The following NRDE2 variants were observed in gnomAD, a reference collection of about 807,000 sequenced individuals.
The protein encoded by NRDE2 is NRDE-2, necessary for RNA interference, domain containing.
NRDE2 carries 76 observed loss-of-function variants against 124.2 expected under a neutral mutation model. The ratio of observed to expected loss-of-function variants is 0.61; its 90% CI spans 0.51 to 0.74. NRDE2 has a LOEUF of 0.74. NRDE2 is among the 30% of genes least tolerant of loss of function. The pLI, the probability that NRDE2 is intolerant of heterozygous loss-of-function variation, is 0.00. For missense variants in NRDE2, 1,314 were observed against 1,417.3 expected (o/e 0.93, Z 1.17); for synonymous variants, 489 against 528.1 (o/e 0.93, Z 1.01).
chr14:90,295,067 A>C (rs1430515373), intron 8 of NRDE2, among the ~76,000 whole-genome samples: 1 of 152,172 alleles, frequency 6.6e-6, no homozygotes, highest in African/African-American at 2.4e-5. Flanking sequence ...GAAACTGCCT[A>C]GTACCATAGA....
intron 8 of NRDE2, 112 bp from the exon 9 acceptor site, chr14:90,292,984 G>A: frequency 2.2e-6 from 2 of 917,408 alleles, no homozygotes; most frequent in South Asian, 3.2e-5. Context: ...AGATGTGTAA[G>A]AGCCATGCCA....
intron 4 of NRDE2, among the ~76,000 whole-genome samples, chr14:90,307,765 G>C (rs1434768967): frequency 6.6e-6 from 1 of 152,204 alleles, no homozygotes; most frequent in Non-Finnish European, 1.5e-5. Context: ...AGAAAAATTT[G>C]TAGGGTTTCC....
intron 1 of NRDE2, among the ~76,000 whole-genome samples, chr14:90,321,255 T>C (rs1476166531): frequency 6.6e-6 from 1 of 151,986 alleles, no homozygotes; most frequent in Non-Finnish European, 1.5e-5. Flanking sequence ...ATTTGAGAGA[T>C]GGGGTCTTGC....
intron 1 of NRDE2, among the ~76,000 whole-genome samples, chr14:90,323,359 T>G (rs1023347849): frequency 2.0e-5 from 3 of 152,240 alleles, no homozygotes; most frequent in Non-Finnish European, 4.4e-5. Context: ...AGATTTGAAC[T>G]TTAAAATATA....
intron 1 of NRDE2, among the ~76,000 whole-genome samples, chr14:90,322,884 T>C (rs1004736708): frequency 1.3e-5 from 2 of 152,238 alleles, no homozygotes; most frequent in African/African-American, 2.4e-5. Flanking sequence ...TTGATAGATA[T>C]AAAATGTGTA....
In NRDE2 at chr14:90,278,438, C is replaced by T. The variant is rs753403812; in HGVS notation, c.3393G>A (p.Glu1131=). The T allele has an allele frequency of 2.5e-6, 4 of 1,614,122 alleles. No homozygotes were observed. Among genetic ancestry groups the T allele is most frequent in the Middle Eastern group, 1.7e-4 (1 of 6,060 alleles). The change falls in exon 14 of 14, where the codon GAG becomes GAA. Residue 1131 remains glutamate, a synonymous_variant. Coordinates refer to ENST00000354366, the MANE Select transcript of NRDE2 (RefSeq NM_017970.4). The stretch of plus-strand genomic sequence containing the variant: ...TCTCCTGCATCTCATCGGGGAAATA[C>T]TCCACGGCGTCCAGGTACAACACCT... ...WAKVLYLDAV[E]YFPDEMQEIL... is the part of the protein sequence containing the mutation.
intron 5 of NRDE2, 130 bp downstream of exon 5, chr14:90,303,805 T>C: frequency 1.2e-6 from 1 of 817,750 alleles, no homozygotes; most frequent in South Asian, 1.8e-5. Context: ...GCAAAGGCTC[T>C]ATTCTAATAA....
intron 13 of NRDE2, 169 bp downstream of exon 13, chr14:90,278,893 G>A (rs1480290975): frequency 7.5e-6 from 5 of 669,666 alleles, no homozygotes; most frequent in East Asian, 2.5e-5. Flanking sequence ...TGACTCCACA[G>A]GGGACAGTTT....
Position 90,288,418 on chromosome 14 carries a change from G to C in NRDE2, c.2957C>G (p.Ala986Gly), listed in dbSNP as rs1595058191. The change falls in exon 11 of 14, where the codon GCA becomes GGA. Residue 986 changes from alanine (A) to glycine (G), a missense_variant. Physicochemically the swap from Ala to Gly is moderately conservative, Grantham distance 60. Transcript: ENST00000354366. ...ATACAACTTTAAAGCCTGTGAGAGTGCCTCTCGCAGAGGGGCCAGCGGGTA... is the reference window on the plus strand; with the variant it reads ...ATACAACTTTAAAGCCTGTGAGAGTCCCTCTCGCAGAGGGGCCAGCGGGTA... Reference protein sequence around the residue: ...SVYPLAPLREALSQALKLYPG... With the variant: ...SVYPLAPLREGLSQALKLYPG... 1 of 1,614,158 alleles carries C rather than the reference G, an allele frequency of 6.2e-7. No homozygotes were observed. Among genetic ancestry groups the C allele is most frequent in the East Asian group, 2.2e-5 (1 of 44,874 alleles).
At chr14:90,314,574 G>C (rs1884971593) in intron 3 of NRDE2, among the ~76,000 whole-genome samples, 1 of 152,064 alleles carries the variant, frequency 6.6e-6, no homozygotes, top group Non-Finnish European at 1.5e-5. Flanking sequence ...GTGGTTTCAG[G>C]AAATCCTTTA....
Position 90,288,709 on chromosome 14 carries a change from C to T in NRDE2, c.2666G>A (p.Ser889Asn). The T allele has an allele frequency of 1.2e-6, 2 of 1,614,214 alleles. No individual in the cohort carries two copies. The highest frequency in any genetic ancestry group is 2.2e-5 in the East Asian group (1 of 44,888). ...GGTGGGAGCTGGATTGGAGACACAG[C>T]TGTCACCCAAACAGTCCTGCAGTGC... ...EHALQDCLGD[S>N]CVSNPAPTDS... The change falls in exon 11 of 14, where the codon AGC becomes AAC. Residue 889 changes from serine (S) to asparagine (N), a missense_variant. By Grantham distance (46) the Ser-to-Asn change is conservative. Coordinates refer to ENST00000354366, the MANE Select transcript of NRDE2 (RefSeq NM_017970.4).
chr14:90,283,089 G>C (rs1892000713), intron 12 of NRDE2, among the ~76,000 whole-genome samples: 1 of 152,144 alleles, frequency 6.6e-6, no homozygotes, highest in Admixed American at 6.5e-5. Flanking sequence ...GGCCTGCGAG[G>C]CTCCCTTCTC....
Position 90,276,240 on chromosome 14 carries a change from A to T in NRDE2, c.*2096T>A, listed in dbSNP as rs1595050149. On this transcript the variant is annotated 3_prime_UTR_variant, in exon 14 of 14. Coordinates refer to ENST00000354366, the MANE Select transcript of NRDE2 (RefSeq NM_017970.4). ...CTGTTTTTTTTTTTTTTTTTTCGAG[A>T]CGGAGTCTTGCTGTGTCGCCCAGGC... 2.4e-5 allele frequency: 3 copies of T among 123,936 alleles called. No individual in the cohort carries two copies. In the Admixed American group the frequency reaches 2.7e-4, roughly 11 times the overall value. The allele number at this position is 123,936 out of a possible 1,614,324, so 7.7% of individuals were successfully genotyped here.
At chr14:90,319,472 C>T (rs768524688) in intron 1 of NRDE2, among the ~76,000 whole-genome samples, 3 of 152,068 alleles carry the variant, frequency 2.0e-5, no homozygotes, top group Non-Finnish European at 4.4e-5. Flanking sequence ...ATTAGCAGTC[C>T]ACTCCTATCA....
chr14:90,329,725 C>A (rs1327363786), intron 1 of NRDE2, among the ~76,000 whole-genome samples: 1 of 150,548 alleles, frequency 6.6e-6, no homozygotes, highest in Non-Finnish European at 1.5e-5. Flanking sequence ...GTAATCCAAG[C>A]TACTCGGGAG....
At chr14:90,331,643 C>G (rs985684431) in intron 1 of NRDE2, among the ~76,000 whole-genome samples, 198 bp downstream of exon 1, 2 of 152,226 alleles carry the variant, frequency 1.3e-5, no homozygotes, top group Admixed American at 1.3e-4. Flanking sequence ...CTCCATAACT[C>G]TACAACCTTG....
At chr14:90,283,523 TGATGACAG>T (rs1892011756) in intron 12 of NRDE2, among the ~76,000 whole-genome samples, 1 of 152,114 alleles carries the variant, frequency 6.6e-6, no homozygotes, top group African/African-American at 2.4e-5. Context: ...CTGAGCAGCC[TGATGACAG>T]GAGTGGAGGT....
intron 13 of NRDE2, 194 bp downstream of exon 13, chr14:90,278,868 G>C: frequency 3.1e-6 from 2 of 645,216 alleles, no homozygotes; most frequent in East Asian, 2.6e-5. Flanking sequence ...ACCAGCCCCA[G>C]GTAGGGCCAG....
chr14:90,313,267 C>T (rs1460506382), intron 3 of NRDE2, among the ~76,000 whole-genome samples: 1 of 152,040 alleles, frequency 6.6e-6, no homozygotes, highest in Non-Finnish European at 1.5e-5. Flanking sequence ...GCTGGGACTA[C>T]AGGTGCCCAC....
Sources: gnomAD v4.1 joint callset for allele counts (sites outside exome capture counted in the v4.1 genomes callset) on GRCh38, gnomAD v4.1.1 for gene constraint, MANE v1.5 for transcripts, NCBI Gene and HGNC (gene_info 2026-07-23, HGNC 2026-07-21) for gene names.